UBR3: variants seen among roughly 807,000 people sequenced by gnomAD.
UBR3 encodes E3 ubiquitin-protein ligase UBR3.
Under a neutral mutation model 243.2 loss-of-function variants are expected in UBR3, and 85 were observed. The observed-to-expected ratio is 0.35, with a 90% CI of 0.29 to 0.42. The LOEUF (loss-of-function observed/expected upper bound fraction) is 0.42. UBR3 is among the 10% of genes least tolerant of loss of function. UBR3 has a pLI of 1.00. For missense variants in UBR3, 1,686 were observed against 2,300.8 expected (o/e 0.73, Z 5.47); for synonymous variants, 748 against 799.8 (o/e 0.94, Z 1.09).
chr2:170,013,926 C>T (rs1159279183), intron 29 of UBR3: 6 of 469,482 alleles, frequency 1.3e-5, no homozygotes, highest in African/African-American at 6.0e-5. Flanking sequence ...GGTCTCCGCT[C>T]GCTTTCTGTC....
intron 36 of UBR3, among the ~76,000 whole-genome samples, chr2:170,076,752 C>T (rs1344426377): frequency 1.3e-5 from 2 of 152,216 alleles, no homozygotes; most frequent in African/African-American, 4.8e-5. Flanking sequence ...GGATGTGATA[C>T]CAAACTTTAT....
rs924201216 is a variant in UBR3, at chr2:169,919,596, C to G, written c.1867-4333C>G. 4.6e-5 allele frequency among the ~76,000 whole-genome samples: 7 copies of G among 152,292 alleles called. No homozygotes were observed. The South Asian group carries it at 8.3e-4, about 18-fold the overall frequency. ...AGGTTCATCCAGAATCTACAATGAA[C>G]TTAAACAAACTTACAAGAAAAAAGC... is the stretch of plus-strand genomic sequence containing the variant. On this transcript the variant is annotated intron_variant, in intron 11 of 38. Coordinates refer to ENST00000272793, the MANE Select transcript of UBR3 (RefSeq NM_172070.4).
chr2:170,032,013 G>T lies in UBR3; in HGVS notation c.4556+2565G>T, dbSNP rs966218697. Among the ~76,000 whole-genome samples, 16 of 152,204 alleles carry T rather than the reference G, an allele frequency of 1.1e-4. No individual in the cohort carries two copies. The East Asian group carries it at 2.9e-3, about 27-fold the overall frequency. On this transcript the variant is annotated intron_variant, in intron 31 of 38. Coordinates refer to ENST00000272793, the MANE Select transcript of UBR3 (RefSeq NM_172070.4). ...AGTACATGTGTCTTTTTGGTAGAAC[G>T]ATTTATTTTCTTTTGGATAGATACC... is the stretch of plus-strand genomic sequence containing the variant.
chr2:169,845,542 C>T (rs1360931388), intron 1 of UBR3, among the ~76,000 whole-genome samples: 1 of 141,008 alleles, frequency 7.1e-6, no homozygotes, highest in Non-Finnish European at 1.5e-5. Flanking sequence ...TCTTCTTCTT[C>T]TTCTTCTTCT....
chr2:170,036,216 G>A (rs2090828276), intron 31 of UBR3, among the ~76,000 whole-genome samples: 1 of 152,202 alleles, frequency 6.6e-6, no homozygotes, highest in Non-Finnish European at 1.5e-5. Context: ...TTGAAAAGAA[G>A]TGGGGAGTGG....
At chr2:170,003,717 T>G (rs952039308) in intron 27 of UBR3, among the ~76,000 whole-genome samples, 1 of 151,978 alleles carries the variant, frequency 6.6e-6, no homozygotes, top group Admixed American at 6.5e-5. Context: ...CTCGGCTCAC[T>G]GCAAGCTCCG....
intron 24 of UBR3, among the ~76,000 whole-genome samples, chr2:169,984,203 GA>G (rs149038861): frequency 2.0e-5 from 3 of 152,134 alleles, no homozygotes; most frequent in Non-Finnish European, 2.9e-5. Flanking sequence ...ACTTGTTACA[GA>G]ATATACCAAG....
At chr2:170,051,794 A>G (rs2105439975) in intron 32 of UBR3, among the ~76,000 whole-genome samples, 1 of 152,316 alleles carries the variant, frequency 6.6e-6, no homozygotes, top group Middle Eastern at 3.4e-3. Context: ...AATGTCTGTC[A>G]CTTATTAAAA....
intron 26 of UBR3, 109 bp downstream of exon 26, chr2:169,994,565 AGTTTATT>A: frequency 7.7e-7 from 1 of 1,297,978 alleles, no homozygotes. Flanking sequence ...TAAATTTGAA[AGTTTATT>A]AGAAAAAAAT....
intron 31 of UBR3, among the ~76,000 whole-genome samples, chr2:170,030,292 C>A (rs895983829): frequency 1.3e-5 from 2 of 152,064 alleles, no homozygotes; most frequent in Non-Finnish European, 2.9e-5. Flanking sequence ...TTGGAATCAG[C>A]CATTTCTCCA....
At chr2:169,932,234 C>T (rs190567203) in intron 18 of UBR3, among the ~76,000 whole-genome samples, 26 of 151,928 alleles carry the variant, frequency 1.7e-4, no homozygotes, top group African/African-American at 4.3e-4. Flanking sequence ...TGCGCCACCA[C>T]GCCTGGTTAA....
chr2:169,900,838 A>C (rs1265022780), intron 8 of UBR3, among the ~76,000 whole-genome samples: 3 of 151,858 alleles, frequency 2.0e-5, no homozygotes, highest in Admixed American at 1.3e-4. Flanking sequence ...TTCTATTGAA[A>C]TCTACAAAAT....
chr2:170,055,704 G>A lies in UBR3; in HGVS notation c.4785+120G>A, dbSNP rs370542126. ...TATTGGTATTTTAATTGTAAATTGA[G>A]CACCTACAGGCTAAAAAATGTTTAA... On this transcript the variant is annotated intron_variant, in intron 33 of 38. Transcript: ENST00000272793. 1.7e-4 allele frequency: 210 copies of A among 1,219,076 alleles called. 2 individuals carry two copies. The East Asian group carries it at 3.8e-3, about 22-fold the overall frequency. 75.5% of individuals were successfully genotyped at this position (1,219,076 alleles called of 1,614,324 possible).
At chr2:169,984,454 G>A (rs2088903720) in intron 24 of UBR3, among the ~76,000 whole-genome samples, 1 of 152,094 alleles carries the variant, frequency 6.6e-6, no homozygotes, top group South Asian at 2.1e-4. Context: ...ATCATTACTT[G>A]TGACTCTGTA....
chr2:169,961,036 T>C (rs1174842468), intron 24 of UBR3, among the ~76,000 whole-genome samples: 1 of 152,152 alleles, frequency 6.6e-6, no homozygotes, highest in Non-Finnish European at 1.5e-5. Context: ...ATGTTGCCTT[T>C]TGTTTTCCTT....
Position 169,896,531 on chromosome 2 carries a change from C to T in UBR3, c.1261C>T (p.Gln421Ter). ...YKVAFTKTFV[Q>*]HYAFIMKTLK... is the part of the protein sequence containing the mutation. ...GGTTGCTTTTACAAAAACTTTTGTTCAGCATTATGCTTTCATTATGAAAAC... is the reference window on the plus strand; with the variant it reads ...GGTTGCTTTTACAAAAACTTTTGTTTAGCATTATGCTTTCATTATGAAAAC... The change falls in exon 8 of 39, where the codon CAG (glutamine) becomes TAG (stop). Residue 421 changes from glutamine to a stop codon, truncating the protein, a stop_gained. Coordinates refer to ENST00000272793, the MANE Select transcript of UBR3 (RefSeq NM_172070.4). LOFTEE classifies it high-confidence loss of function. 1 of 1,532,122 alleles carries T rather than the reference C, an allele frequency of 6.5e-7. No individual in the cohort carries two copies. The allele number at this position is 1,532,122 out of a possible 1,614,324, so 94.9% of individuals were successfully genotyped here. A position where few individuals can be genotyped will look rare whatever the true frequency, so the allele number is the denominator to read the frequency against.
At position 169,949,900 on chromosome 2, in the gene UBR3, G is replaced by A. The variant is rs1325420289; in HGVS notation, c.3380G>A (p.Ser1127Asn). The change falls in exon 23 of 39, where the codon AGT (serine) becomes AAT (asparagine). Residue 1127 changes from serine (S) to asparagine (N), a missense_variant. Transcript: ENST00000272793. ...ILIQPEIPKY[S>N]HGDGITAVER... ...ATCCAACCAGAAATTCCTAAATACA[G>A]TCATGGAGATGGTATAACTGCCGTG... 1 of 1,612,750 alleles carries A rather than the reference G, an allele frequency of 6.2e-7. No individual in the cohort carries two copies. Among genetic ancestry groups the A allele is most frequent in the African/African-American group, 1.3e-5 (1 of 75,032 alleles).
At chr2:169,968,231 G>T (rs2087917371) in intron 24 of UBR3, among the ~76,000 whole-genome samples, 1 of 152,040 alleles carries the variant, frequency 6.6e-6, no homozygotes, top group African/African-American at 2.4e-5. Flanking sequence ...AAATCTTTTA[G>T]TTATTTTTAA....
chr2:169,893,650 A>G (rs975761018), intron 6 of UBR3, among the ~76,000 whole-genome samples: 1 of 152,164 alleles, frequency 6.6e-6, no homozygotes, highest in Non-Finnish European at 1.5e-5. Context: ...TCTGCCTCCC[A>G]GGCTCAAGCG....
Sources: allele counts gnomAD v4.1 joint callset (sites outside exome capture counted in the v4.1 genomes callset), GRCh38; gene constraint gnomAD v4.1.1; transcripts MANE v1.5; gene names NCBI Gene and HGNC (gene_info 2026-07-23, HGNC 2026-07-21).